TSPO: variants seen among roughly 807,000 people sequenced by gnomAD.
TSPO encodes benzodiazepine peripheral binding site.
A neutral mutation model predicts 13.9 loss-of-function variants in TSPO; 14 were observed. The ratio of observed to expected loss-of-function variants is 1.01; its 90% CI spans 0.67 to 1.58. The LOEUF is 1.58. Ranked by LOEUF, TSPO falls within the 40% of genes most tolerant of loss-of-function variation. The pLI is 0.00. For synonymous variants in TSPO, 114 were observed against 105.9 expected (o/e 1.08, Z -0.47); for missense variants, 232 against 229.6 (o/e 1.01, Z -0.07).
chr22:43,155,185 C>T (rs1931212748), intron 1 of TSPO, among the ~76,000 whole-genome samples: 2 of 152,180 alleles, frequency 1.3e-5, no homozygotes, highest in Non-Finnish European at 2.9e-5. Flanking sequence ...TCTCAGTTTC[C>T]TCATCTGGAA....
In TSPO at chr22:43,162,995, C is replaced by A. The variant is rs1230430127; in HGVS notation, c.*4C>A. Reference sequence around the variant, plus strand: ...GGGACGGCGGCTGCCAGAGTGAGTGCCCGGCCCACCAGGGACTGCAGCTGC... The same window carrying A: ...GGGACGGCGGCTGCCAGAGTGAGTGACCGGCCCACCAGGGACTGCAGCTGC... On this transcript the variant is annotated 3_prime_UTR_variant, in exon 4 of 4. Coordinates refer to ENST00000337554, the MANE Select transcript of TSPO (RefSeq NM_000714.6). 6.3e-7 allele frequency: 1 copy of A among 1,580,202 alleles called. No individual in the cohort carries two copies. Among genetic ancestry groups the A allele is most frequent in the Non-Finnish European group, 8.6e-7 (1 of 1,163,892 alleles).
At position 43,160,086 on chromosome 22, in the gene TSPO, G is replaced by A. The variant is rs578087220; in HGVS notation, c.182+666G>A. Among the ~76,000 whole-genome samples the A allele has an allele frequency of 2.0e-5, 3 of 152,296 alleles. No individual in the cohort carries two copies. In the East Asian group the frequency reaches 5.8e-4, roughly 29 times the overall value. ...GGACGCAGGTGCCAGGCACTCTAGG[G>A]GGCGGATAGCAGAGGCCAGGCCAGG... On this transcript the variant is annotated intron_variant, in intron 2 of 3. Coordinates refer to ENST00000337554, the MANE Select transcript of TSPO (RefSeq NM_000714.6).
chr22:43,162,206 C>T (rs1437146664), intron 3 of TSPO, among the ~76,000 whole-genome samples: 2 of 152,080 alleles, frequency 1.3e-5, no homozygotes. Flanking sequence ...ACTGCAACCT[C>T]CGTCTCCCAG....
intron 3 of TSPO, among the ~76,000 whole-genome samples, chr22:43,161,943 A>G (rs73418045): frequency 0.058 from 8,764 of 150,160 alleles, 902 homozygotes; most frequent in African/African-American, 0.2. Context: ...AGGTCACGTC[A>G]CTGTGCCCGG....
rs1408756136 is a variant in TSPO, at chr22:43,162,826, C to T, written c.345C>T (p.Val115=). ...MGWALVDLLL[V]SGAAAATTVA... ...AGGCCTTGGTGGATCTCCTGCTGGT[C>T]AGTGGGGCGGCGGCAGCCACTACCG... Residue 115 remains valine (V), a synonymous_variant, in exon 4 of 4, where the codon GTC becomes GTT. Transcript: ENST00000337554. 6 of 1,585,860 alleles carry T rather than the reference C, an allele frequency of 3.8e-6. No homozygotes were observed. Among genetic ancestry groups the T allele is most frequent in the African/African-American group, 1.3e-5 (1 of 74,618 alleles).
chr22:43,159,362 T>C lies in TSPO; in HGVS notation c.124T>C (p.Trp42Arg), dbSNP rs1931360019. ...RWYAGLQKPS[W>R]HPPHWVLGPV... ...GTACGCCGGCCTGCAGAAGCCCTCG[T>C]GGCACCCGCCCCACTGGGTGCTGGG... The change falls in exon 2 of 4, where the codon TGG (tryptophan) becomes CGG (arginine). Residue 42 changes from tryptophan to arginine, a missense_variant. By Grantham distance (101) the Trp-to-Arg change is moderately radical (BLOSUM62 -3). Coordinates refer to ENST00000337554, the MANE Select transcript of TSPO (RefSeq NM_000714.6). 6.5e-7 allele frequency: 1 copy of C among 1,545,406 alleles called. No individual in the cohort carries two copies. The highest frequency in any genetic ancestry group is 1.4e-5 in the African/African-American group (1 of 72,962).
chr22:43,155,935 C>T (rs1601755064), intron 1 of TSPO, among the ~76,000 whole-genome samples: 2 of 152,356 alleles, frequency 1.3e-5, no homozygotes, highest in African/African-American at 2.4e-5. Flanking sequence ...CATGACTCAT[C>T]ATGGTGGGTA....
chr22:43,162,392 G>T (rs1417175588), intron 3 of TSPO, among the ~76,000 whole-genome samples: 1 of 152,208 alleles, frequency 6.6e-6, no homozygotes, highest in Non-Finnish European at 1.5e-5. Flanking sequence ...AAAGTGCTGG[G>T]ATTACAGGCG....
chr22:43,156,576 C>G (rs1016072711), intron 1 of TSPO, among the ~76,000 whole-genome samples: 2 of 152,026 alleles, frequency 1.3e-5, no homozygotes, highest in African/African-American at 4.8e-5. Flanking sequence ...CTGATGGATA[C>G]GGGGTTTCTT....
Position 43,161,114 on chromosome 22 carries a change from T to A in TSPO, c.245T>A (p.Leu82Gln). ...TTCACAGAGAAGGCTGTGGTTCCCC[T>A]GGGCCTCTACACTGGGCAGCTGGCC... is the stretch of plus-strand genomic sequence containing the variant. ...GGFTEKAVVP[L>Q]GLYTGQLALN... The change falls in exon 3 of 4, where the codon CTG becomes CAG. Residue 82 changes from leucine (L) to glutamine (Q), a missense_variant. By Grantham distance (113) the Leu-to-Gln change is moderately radical. Transcript: ENST00000337554. 1 of 1,614,170 alleles carries A rather than the reference T, an allele frequency of 6.2e-7. No individual in the cohort carries two copies. The highest frequency in any genetic ancestry group is 8.5e-7 in the Non-Finnish European group (1 of 1,179,990).
rs1425989652 is a variant in TSPO at position 43,153,107 on chromosome 22, TTC to T, written c.-30+1507_-30+1508del. On this transcript the variant is annotated intron_variant, in intron 1 of 3. Transcript: ENST00000337554. ...TTCTTTCCTTCCTTCCTTCTTTCCT[TTC>T]TCTTTCTCTTTTTTTCTTTCTTCCC... 5.4e-4 allele frequency among the ~76,000 whole-genome samples: 38 copies of T among 70,944 alleles called. 6 individuals are homozygous for T. The highest frequency in any genetic ancestry group is 0.012 in the Middle Eastern group (2 of 170). 46.5% of individuals were successfully genotyped at this position (70,944 alleles called of 152,430 possible).
At chr22:43,154,647 C>G (rs910675617) in intron 1 of TSPO, among the ~76,000 whole-genome samples, 10 of 152,026 alleles carry the variant, frequency 6.6e-5, no homozygotes, top group Admixed American at 6.6e-4. Context: ...TGTGAGCCAC[C>G]GTTCCTGGCC....
intron 2 of TSPO, among the ~76,000 whole-genome samples, chr22:43,159,849 G>T (rs1931377982): frequency 6.6e-6 from 1 of 152,134 alleles, no homozygotes; most frequent in South Asian, 2.1e-4. Flanking sequence ...CACAGGGCTT[G>T]CAAGTGTGGA....
At position 43,163,118 on chromosome 22, in the gene TSPO, G is replaced by C; in HGVS notation, c.*127G>C. The C allele has an allele frequency of 6.7e-7, 1 of 1,500,032 alleles. No homozygotes were observed. The highest frequency in any genetic ancestry group is 8.9e-7 in the Non-Finnish European group (1 of 1,124,172). The allele number at this position is 1,500,032 out of a possible 1,614,324, so 92.9% of individuals were successfully genotyped here. ...CAGGGCCTTGGCCCAGGGGTCAGCA[G>C]AGCTTCAGAGGTGGCCCCACCTGAG... On this transcript the variant is annotated 3_prime_UTR_variant, in exon 4 of 4. Transcript: ENST00000337554.
At position 43,156,394 on chromosome 22, in the gene TSPO, C is replaced by T. The variant is rs568882257; in HGVS notation, c.-29-2816C>T. Among the ~76,000 whole-genome samples the T allele has an allele frequency of 9.6e-4, 146 of 152,270 alleles. No individual in the cohort carries two copies. In the Middle Eastern group the frequency reaches 0.02, roughly 21 times the overall value. On this transcript the variant is annotated intron_variant, in intron 1 of 3. Coordinates refer to ENST00000337554, the MANE Select transcript of TSPO (RefSeq NM_000714.6). ...GACAGAATCGTGGGGAGTTCTGCCACGTGCTACAAGGTGAGGACCTCTAGA... is the reference window on the plus strand; with the variant it reads ...GACAGAATCGTGGGGAGTTCTGCCATGTGCTACAAGGTGAGGACCTCTAGA...
Position 43,151,561 on chromosome 22 carries a change from C to T in TSPO, c.-73C>T, listed in dbSNP as rs1171741406. On this transcript the variant is annotated 5_prime_UTR_variant, in exon 1 of 4. Transcript: ENST00000337554. The stretch of plus-strand genomic sequence containing the variant: ...GATGCGGGGACAGCGGCCTGGCTAA[C>T]TCCTGCCAGGCAGTGCCCTTCCCGG... The T allele has an allele frequency of 6.6e-6, 1 of 152,402 alleles. No individual in the cohort carries two copies. The highest frequency in any genetic ancestry group is 1.5e-5 in the Non-Finnish European group (1 of 68,050). The allele number at this position is 152,402 out of a possible 1,614,324, so 9.4% of individuals were successfully genotyped here.
intron 2 of TSPO, 119 bp downstream of exon 2, chr22:43,159,539 A>G: frequency 8.9e-7 from 1 of 1,121,492 alleles, no homozygotes; most frequent in Non-Finnish European, 1.2e-6. Context: ...CCCCAGCCCC[A>G]TTTGGCAAGC....
Position 43,161,060 on chromosome 22 carries a change from C to T in TSPO, c.191C>T (p.Ser64Phe). 1.2e-6 allele frequency: 2 copies of T among 1,613,566 alleles called. No individual in the cohort carries two copies. The highest frequency in any genetic ancestry group is 8.5e-7 in the Non-Finnish European group (1 of 1,179,698). ...GTLYSAMGYG[S>F]YLVWKELGGF... ...TGCGGCCTCTGTTTCAGGTACGGCT[C>T]CTACCTGGTCTGGAAAGAGCTGGGA... is the stretch of plus-strand genomic sequence containing the variant. Residue 64 changes from serine to phenylalanine, a missense_variant, in exon 3 of 4, where the codon TCC (serine) becomes TTC (phenylalanine). Coordinates refer to ENST00000337554, the MANE Select transcript of TSPO (RefSeq NM_000714.6).
intron 3 of TSPO, 82 bp downstream of exon 3, chr22:43,161,272 A>ATAT: frequency 6.5e-7 from 1 of 1,538,292 alleles, no homozygotes; most frequent in Non-Finnish European, 8.8e-7. Flanking sequence ...ACACTGGGTC[A>ATAT]GTGTCTATAG....
Sources: gnomAD v4.1 joint callset for allele counts (sites outside exome capture counted in the v4.1 genomes callset) on GRCh38, gnomAD v4.1.1 for gene constraint, MANE v1.5 for transcripts, NCBI Gene and HGNC (gene_info 2026-07-23, HGNC 2026-07-21) for gene names.